LRCH3: variants seen among roughly 807,000 people sequenced by gnomAD.
LRCH3 encodes leucine rich repeats and calponin homology domain containing 3.
LRCH3 carries 68 observed loss-of-function variants against 104.5 expected under a neutral mutation model. The ratio of observed to expected loss-of-function variants is 0.65; its 90% CI spans 0.54 to 0.80. The LOEUF (loss-of-function observed/expected upper bound fraction) is 0.80. Ranked by LOEUF, LRCH3 falls within the 30% of genes least tolerant of loss-of-function variation. The pLI is 0.00. For synonymous variants in LRCH3, 344 were observed against 361.3 expected, an observed-to-expected ratio of 0.95 and a Z score of 0.54; for missense variants, 951 against 953.9, an observed-to-expected ratio of 1.00 and a Z score of 0.04.
At chr3:197,802,391 G>C (rs1580546735) in intron 1 of LRCH3, among the ~76,000 whole-genome samples, 1 of 152,142 alleles carries the variant, frequency 6.6e-6, no homozygotes, top group Admixed American at 6.6e-5. Context: ...AGATCTAGGT[G>C]CTGCCATCTA....
chr3:197,850,932 G>A (rs957861095), intron 12 of LRCH3: 8 of 809,262 alleles, frequency 9.9e-6, no homozygotes, highest in Admixed American at 1.7e-5. Context: ...GGGGTTCTCC[G>A]GGTCAAGTGA....
intron 1 of LRCH3, among the ~76,000 whole-genome samples, chr3:197,808,368 G>C (rs1471128709): frequency 6.6e-6 from 1 of 152,102 alleles, no homozygotes; most frequent in African/African-American, 2.4e-5. Flanking sequence ...CCCACTGTGT[G>C]GTATTTTATT....
At chr3:197,793,775 G>A (rs1237305722) in intron 1 of LRCH3, among the ~76,000 whole-genome samples, 1 of 152,008 alleles carries the variant, frequency 6.6e-6, no homozygotes, top group African/African-American at 2.4e-5. Context: ...GTCAAAACGT[G>A]TAAAAAGAAA....
rs746625945 is a variant in LRCH3, at chr3:197,865,479, A to T, written c.1765+8A>T. 1 of 1,511,322 alleles carries T rather than the reference A, an allele frequency of 6.6e-7. No individual in the cohort carries two copies. The highest frequency in any genetic ancestry group is 2.5e-5 in the East Asian group (1 of 40,430). The allele number at this position is 1,511,322 out of a possible 1,614,324, so 93.6% of individuals were successfully genotyped here. A position where few individuals can be genotyped will look rare whatever the true frequency, so the allele number is the denominator to read the frequency against. ...CACCTGCAACAGAAACAGGTAATAG[A>T]CACAAAGGTGCAATTAACCACATCA... is the stretch of plus-strand genomic sequence containing the variant. On this transcript the variant is annotated splice_region_variant and intron_variant, in intron 16 of 20. Coordinates refer to ENST00000425562, the MANE Select transcript of LRCH3 (RefSeq NM_001365715.1).
At chr3:197,872,363 A>G (rs1214460348) in intron 19 of LRCH3, among the ~76,000 whole-genome samples, 3 of 107,316 alleles carry the variant, frequency 2.8e-5, no homozygotes, top group Non-Finnish European at 6.1e-5. Flanking sequence ...TCTCAAAGAA[A>G]AAAAAAAAAA....
At position 197,803,834 on chromosome 3, in the gene LRCH3, G is replaced by A. The variant is rs1266636458; in HGVS notation, c.263-11074G>A. The stretch of plus-strand genomic sequence containing the variant: ...CTGCATTTGCATTTCAGTTTAAGAA[G>A]CACTGCTGTAACGTTAACCAGGTAA... On this transcript the variant is annotated intron_variant, in intron 1 of 20. Transcript: ENST00000425562. Among the ~76,000 whole-genome samples, 4 of 152,192 alleles carry A rather than the reference G, an allele frequency of 2.6e-5. No individual in the cohort carries two copies. The East Asian group carries it at 7.7e-4, about 29-fold the overall frequency.
chr3:197,800,510 T>C (rs554908744), intron 1 of LRCH3, among the ~76,000 whole-genome samples: 10 of 152,304 alleles, frequency 6.6e-5, no homozygotes, highest in African/African-American at 2.4e-4. Flanking sequence ...TGATTCCAAG[T>C]ACTGGAAAGA....
intron 4 of LRCH3, among the ~76,000 whole-genome samples, chr3:197,825,269 T>C (rs1362304021): frequency 2.6e-5 from 4 of 151,900 alleles, no homozygotes; most frequent in Non-Finnish European, 4.4e-5. Flanking sequence ...TGCCATAGCA[T>C]GAGTTGTTTT....
At chr3:197,850,637 AC>A in intron 12 of LRCH3, 1 of 1,566,550 alleles carries the variant, frequency 6.4e-7, no homozygotes, top group Middle Eastern at 2.3e-4. Flanking sequence ...CTACATCTGA[AC>A]CCTTAAGTTC....
rs1210442847 is a variant in LRCH3, at chr3:197,880,112, A to ATT, written c.2209-3424_2209-3423dup. On this transcript the variant is annotated intron_variant, in intron 20 of 20. Coordinates refer to ENST00000425562, the MANE Select transcript of LRCH3 (RefSeq NM_001365715.1). ...AGGCGCCCGCCACCACGCCCGGCTAATTTTTTGTATTTTTAGTAAAGACGG... is the reference window on the plus strand; with the variant it reads ...AGGCGCCCGCCACCACGCCCGGCTAATTTTTTTTGTATTTTTAGTAAAGACGG... Among the ~76,000 whole-genome samples the ATT allele has an allele frequency of 2.0e-5, 3 of 150,396 alleles. No homozygotes were observed. The East Asian group carries it at 5.8e-4, about 29-fold the overall frequency.
At chr3:197,828,423 G>A (rs546258764) in intron 5 of LRCH3, among the ~76,000 whole-genome samples, 24 of 152,066 alleles carry the variant, frequency 1.6e-4, no homozygotes, top group Middle Eastern at 3.4e-3. Flanking sequence ...TCGGCTCTCT[G>A]CAAGCTCCGC....
intron 20 of LRCH3, chr3:197,880,515 A>G (rs1203280248): frequency 1.3e-6 from 2 of 1,535,868 alleles, no homozygotes; most frequent in Non-Finnish European, 1.7e-6. Context: ...TGGACAGGAC[A>G]ATCTTTGTTC....
intron 1 of LRCH3, among the ~76,000 whole-genome samples, chr3:197,798,218 A>G (rs1382763123): frequency 6.6e-6 from 1 of 152,118 alleles, no homozygotes; most frequent in Non-Finnish European, 1.5e-5. Context: ...CGGAGGTCGC[A>G]CCACTGCTCT....
intron 11 of LRCH3, 48 bp from the exon 12 acceptor site, chr3:197,847,824 G>A (rs763274834): frequency 1.1e-5 from 17 of 1,596,272 alleles, no homozygotes; most frequent in Admixed American, 3.5e-5. Context: ...TATTGGTAAC[G>A]TGATCCTCAT....
intron 9 of LRCH3, among the ~76,000 whole-genome samples, chr3:197,839,004 G>A (rs181977215): frequency 4.1e-4 from 63 of 152,162 alleles, no homozygotes; most frequent in Admixed American, 5.9e-4. Context: ...TGACCTCTTC[G>A]GTTCCTTTCT....
chr3:197,863,328 T>A (rs1018943531), intron 15 of LRCH3, among the ~76,000 whole-genome samples: 3 of 152,202 alleles, frequency 2.0e-5, no homozygotes, highest in African/African-American at 7.2e-5. Flanking sequence ...AGTGGCGCCA[T>A]CTCGGCTCAC....
At chr3:197,851,023 G>T in intron 12 of LRCH3, 2 of 761,128 alleles carry the variant, frequency 2.6e-6, no homozygotes, top group Middle Eastern at 3.7e-4. Context: ...AAGGAAACAC[G>T]CTCAGAGAGA....
rs920866845 is a variant in LRCH3 at position 197,883,340 on chromosome 3, G to A, written c.2209-201G>A. ...TGAAAATGATCTGTATGTACTTTTA[G>A]TTGTATTAATAAAGTGACAGTGAGT... On this transcript the variant is annotated intron_variant, in intron 20 of 20. Transcript: ENST00000425562. This position sits in a 1 kb window ranked among gnomAD's most constrained non-coding sequence, Gnocchi z 4.2. 3.7e-5 allele frequency: 51 copies of A among 1,371,150 alleles called. No homozygotes were observed. The highest frequency in any genetic ancestry group is 4.2e-5 in the Non-Finnish European group (45 of 1,063,040). The allele number at this position is 1,371,150 out of a possible 1,614,324, so 84.9% of individuals were successfully genotyped here. A position where few individuals can be genotyped will look rare whatever the true frequency, so the allele number is the denominator to read the frequency against.
At chr3:197,801,104 A>AAAG (rs60914773) in intron 1 of LRCH3, among the ~76,000 whole-genome samples, 5,350 of 147,748 alleles carry the variant, frequency 0.036, 216 homozygotes, top group African/African-American at 0.077. Context: ...CAAAAAAAAA[A>AAAG]ACAAGAAAAT....
Sources: allele counts gnomAD v4.1 joint callset (sites outside exome capture counted in the v4.1 genomes callset), GRCh38; gene constraint gnomAD v4.1.1; non-coding constraint Gnocchi (gnomAD v3.1); transcripts MANE v1.5; gene names NCBI Gene and HGNC (gene_info 2026-07-23, HGNC 2026-07-21).